VWA3A: variants seen among roughly 807,000 people sequenced by gnomAD.
VWA3A encodes the protein von Willebrand factor A domain containing 3A.
A neutral mutation model predicts 160.4 loss-of-function variants in VWA3A; 134 were observed. The ratio of observed to expected loss-of-function variants is 0.84; its 90% CI spans 0.73 to 0.96. VWA3A has a LOEUF of 0.96. VWA3A is among the 40% of genes least tolerant of loss of function. The pLI, the probability that VWA3A is intolerant of heterozygous loss-of-function variation, is 0.00. For missense variants in VWA3A, 1,310 were observed against 1,447.9 expected (o/e 0.90, Z 1.55); for synonymous variants, 476 against 543.4 (o/e 0.88, Z 1.72).
intron 26 of VWA3A, among the ~76,000 whole-genome samples, chr16:22,145,145 A>G (rs2046225451): frequency 6.6e-6 from 1 of 152,090 alleles, no homozygotes; most frequent in South Asian, 2.1e-4. Flanking sequence ...CAGAATGAAA[A>G]TCTGATCATT....
Position 22,097,950 on chromosome 16 carries a change from C to T in VWA3A, c.225+255C>T, listed in dbSNP as rs759949529. On this transcript the variant is annotated intron_variant, in intron 3 of 33. Coordinates refer to ENST00000389398, the MANE Select transcript of VWA3A (RefSeq NM_173615.5). ...CATGTGAAGACTCTGATCATGTTATCAAGGCCTGAAGTCTTAAGCATTTGA... is the reference window on the plus strand; with the variant it reads ...CATGTGAAGACTCTGATCATGTTATTAAGGCCTGAAGTCTTAAGCATTTGA... Among the ~76,000 whole-genome samples the T allele has an allele frequency of 8.5e-5, 13 of 152,244 alleles. 1 individual carries two copies. The South Asian group carries it at 1.2e-3, about 15-fold the overall frequency.
rs1009609608 is a variant in VWA3A at position 22,155,731 on chromosome 16, T to C, written c.3503+67T>C. 1.0e-5 allele frequency: 16 copies of C among 1,601,122 alleles called. No individual in the cohort carries two copies. The African/African-American group carries it at 1.3e-4, about 13-fold the overall frequency. ...CAGCCCATGCAGACCCCGGACCCCATCGAGAAGGGCCGCACCCATGATGGT... is the reference window on the plus strand; with the variant it reads ...CAGCCCATGCAGACCCCGGACCCCACCGAGAAGGGCCGCACCCATGATGGT... On this transcript the variant is annotated intron_variant, in intron 32 of 33. Coordinates refer to ENST00000389398, the MANE Select transcript of VWA3A (RefSeq NM_173615.5).
At chr16:22,150,625 T>G in intron 29 of VWA3A, 70 bp from the exon 30 acceptor site, 5 of 1,513,960 alleles carry the variant, frequency 3.3e-6, no homozygotes, top group Non-Finnish European at 3.5e-6. Context: ...GCACTACCTT[T>G]AGGCATTTGG....
At chr16:22,121,698 C>A (rs2045737862) in intron 14 of VWA3A, 81 bp downstream of exon 14, 5 of 1,108,402 alleles carry the variant, frequency 4.5e-6, no homozygotes, top group South Asian at 4.0e-5. Context: ...AATGTTCTGG[C>A]AGTAAGAATC....
At chr16:22,109,042 G>T (rs2045517835) in intron 6 of VWA3A, among the ~76,000 whole-genome samples, 1 of 152,174 alleles carries the variant, frequency 6.6e-6, no homozygotes. Context: ...TAGCAACTCA[G>T]AGATACCATT....
chr16:22,128,565 C>T (rs960924533), intron 17 of VWA3A, among the ~76,000 whole-genome samples: 1 of 152,198 alleles, frequency 6.6e-6, no homozygotes, highest in African/African-American at 2.4e-5. Context: ...TTCAAAGTAG[C>T]AATCCCATCC....
intron 25 of VWA3A, 124 bp from the exon 26 acceptor site, chr16:22,144,123 C>A: frequency 8.2e-7 from 1 of 1,216,386 alleles, no homozygotes; most frequent in Non-Finnish European, 1.1e-6. Context: ...TCTGTGAGGA[C>A]CTGGGAATCC....
intron 21 of VWA3A, among the ~76,000 whole-genome samples, chr16:22,136,032 C>A (rs2046033818): frequency 6.6e-6 from 1 of 152,118 alleles, no homozygotes; most frequent in Admixed American, 6.5e-5. Context: ...CTCAGCTGAT[C>A]TGCCTGCCTC....
intron 8 of VWA3A, among the ~76,000 whole-genome samples, chr16:22,113,530 T>C (rs1334258729): frequency 6.7e-6 from 1 of 149,868 alleles, no homozygotes; most frequent in Non-Finnish European, 1.5e-5. Flanking sequence ...CAGCCTACCA[T>C]GTGTACTATT....
At chr16:22,140,384 G>T in intron 23 of VWA3A, 140 bp downstream of exon 23, 1 of 734,734 alleles carries the variant, frequency 1.4e-6, no homozygotes, top group Non-Finnish European at 2.3e-6. Context: ...GAGGTGGAAG[G>T]ATCACTTGAG....
At position 22,138,493 on chromosome 16, in the gene VWA3A, TC is replaced by T; in HGVS notation, c.2278del (p.Leu760TrpfsTer5). The part of the protein sequence containing the change: ...PKKLCPPRPT[V>X]PLGARMSIKD... ...AAGCTCTGCCCTCCCAGGCCCACCG[TC>T]CCCCTGGGGGCCAGAATGGTTTGAC... On this transcript the variant is annotated frameshift_variant, in exon 22 of 34. Transcript: ENST00000389398. LOFTEE classifies it high-confidence loss of function. 1 of 1,613,838 alleles carries T rather than the reference TC, an allele frequency of 6.2e-7. No individual in the cohort carries two copies. Among genetic ancestry groups the T allele is most frequent in the Non-Finnish European group, 8.5e-7 (1 of 1,179,826 alleles).
intron 12 of VWA3A, 73 bp downstream of exon 12, chr16:22,119,100 C>G: frequency 6.9e-7 from 1 of 1,450,770 alleles, no homozygotes; most frequent in South Asian, 1.3e-5. Flanking sequence ...CCTTTCTCAC[C>G]TGTTCATAGG....
intron 6 of VWA3A, among the ~76,000 whole-genome samples, chr16:22,107,029 C>A (rs2045492158): frequency 6.6e-6 from 1 of 152,176 alleles, no homozygotes; most frequent in Admixed American, 6.5e-5. Flanking sequence ...GCCTGAGGGA[C>A]TTAGCAGACA....
intron 17 of VWA3A, among the ~76,000 whole-genome samples, chr16:22,129,022 C>T (rs953959171): frequency 1.3e-5 from 2 of 151,922 alleles, no homozygotes; most frequent in Non-Finnish European, 2.9e-5. Flanking sequence ...TAACAAACCC[C>T]CATGGCAGGA....
chr16:22,143,563 C>T (rs755481567), intron 25 of VWA3A, among the ~76,000 whole-genome samples: 3 of 152,050 alleles, frequency 2.0e-5, no homozygotes, highest in Non-Finnish European at 4.4e-5. Context: ...AAGCTTTAGA[C>T]CAATCAGGGC....
At chr16:22,132,144 G>A (rs2045959690) in intron 19 of VWA3A, among the ~76,000 whole-genome samples, 1 of 152,180 alleles carries the variant, frequency 6.6e-6, no homozygotes, top group African/African-American at 2.4e-5. Context: ...AGCACTTTGG[G>A]AGGCTGAGGC....
At chr16:22,102,836 C>A (rs2045426496) in intron 5 of VWA3A, among the ~76,000 whole-genome samples, 1 of 152,110 alleles carries the variant, frequency 6.6e-6, no homozygotes, top group South Asian at 2.1e-4. Context: ...CCTGCCCTCA[C>A]CGGGCAGAGT....
Position 22,126,228 on chromosome 16 carries a change from A to G in VWA3A, c.1583A>G (p.His528Arg). 1.2e-6 allele frequency: 2 copies of G among 1,613,968 alleles called. No individual in the cohort carries two copies. The highest frequency in any genetic ancestry group is 1.7e-6 in the Non-Finnish European group (2 of 1,179,878). Residue 528 changes from histidine to arginine, a missense_variant, in exon 17 of 34, where the codon CAT (histidine) becomes CGT (arginine). Coordinates refer to ENST00000389398, the MANE Select transcript of VWA3A (RefSeq NM_173615.5). ...ISATNSMYII[H>R]IQHSLRLLLE... Reference sequence around the variant, plus strand: ...GCGACCAATTCCATGTACATTATTCATATCCAGCACTCCCTGCGGCTGCTG... The same window carrying G: ...GCGACCAATTCCATGTACATTATTCGTATCCAGCACTCCCTGCGGCTGCTG...
rs2045787265 is a variant in VWA3A at position 22,123,645 on chromosome 16, G to A, written c.1470G>A (p.Glu490=). 1.9e-6 allele frequency: 3 copies of A among 1,613,986 alleles called. No homozygotes were observed. Among genetic ancestry groups the A allele is most frequent in the South Asian group, 1.1e-5 (1 of 91,080 alleles). ...QQLSRAMRMY[E]RRIEWLSLAS... ...TCAGCAGAGCTATGCGGATGTATGA[G>A]AGGCGGATTGAGTGGCTCTCCCTGG... Residue 490 remains glutamate, a synonymous_variant, in exon 16 of 34, where the codon GAG becomes GAA. Coordinates refer to ENST00000389398, the MANE Select transcript of VWA3A (RefSeq NM_173615.5).
Sources: gnomAD v4.1 joint callset for allele counts (sites outside exome capture counted in the v4.1 genomes callset) on GRCh38, gnomAD v4.1.1 for gene constraint, MANE v1.5 for transcripts, NCBI Gene and HGNC (gene_info 2026-07-23, HGNC 2026-07-21) for gene names.